Variants in DNAJC3 observed in about 807,000 individuals in gnomAD.
DNAJC3 encodes dnaJ homolog subfamily C member 3.
Under a neutral mutation model 68.6 loss-of-function variants are expected in DNAJC3, and 38 were observed. The observed-to-expected ratio is 0.55, with a 90% CI of 0.43 to 0.73. DNAJC3 has a LOEUF of 0.73. DNAJC3 is among the 30% of genes least tolerant of loss of function. The pLI is 0.00. For missense variants in DNAJC3, 526 were observed against 591.9 expected, an observed-to-expected ratio of 0.89 and a Z score of 1.16; for synonymous variants, 203 against 204.0, an observed-to-expected ratio of 1.00 and a Z score of 0.04.
chr13:95,768,327 G>A (rs1322826236), intron 9 of DNAJC3, among the ~76,000 whole-genome samples: 1 of 152,132 alleles, frequency 6.6e-6, no homozygotes, highest in Non-Finnish European at 1.5e-5. Context: ...GGTTTCCACT[G>A]TACTCATTTT....
At chr13:95,736,358 G>GA (rs1881918550) in intron 4 of DNAJC3, among the ~76,000 whole-genome samples, 1 of 150,444 alleles carries the variant, frequency 6.6e-6, no homozygotes, top group Non-Finnish European at 1.5e-5. Context: ...ATTCTGTGAA[G>GA]AAAGTCATTG....
At chr13:95,756,814 T>C (rs1882677806) in intron 4 of DNAJC3, among the ~76,000 whole-genome samples, 1 of 152,148 alleles carries the variant, frequency 6.6e-6, no homozygotes, top group South Asian at 2.1e-4. Flanking sequence ...TCTGAGATAA[T>C]TATTTTTTGT....
chr13:95,733,703 C>CTTTTTTTTTTTTT, intron 4 of DNAJC3, among the ~76,000 whole-genome samples: 1 of 102,966 alleles, frequency 9.7e-6, no homozygotes, highest in Non-Finnish European at 1.9e-5. Context: ...CCTGGCCTGT[C>CTTTTTTTTTTTTT]TTTTTTTTTT....
At chr13:95,763,391 A>G (rs1882880113) in intron 7 of DNAJC3, among the ~76,000 whole-genome samples, 1 of 152,172 alleles carries the variant, frequency 6.6e-6, no homozygotes, top group Non-Finnish European at 1.5e-5. Flanking sequence ...TTTGATTGGT[A>G]CTTATACTCA....
At position 95,790,961 on chromosome 13, in the gene DNAJC3, G is replaced by C; in HGVS notation, c.1446G>C (p.Trp482Cys). 6.2e-7 allele frequency: 1 copy of C among 1,612,528 alleles called. No individual in the cohort carries two copies. The highest frequency in any genetic ancestry group is 8.5e-7 in the Non-Finnish European group (1 of 1,179,648). The change falls in exon 12 of 12, where the codon TGG (tryptophan) becomes TGC (cysteine). Residue 482 changes from tryptophan to cysteine, a missense_variant. Transcript: ENST00000602402. ...GCGGCAACCCTTTCCACAGAAGCTG[G>C]AACTCATGGCAAGGGTTCAATCCCT... ...GGGGNPFHRS[W>C]NSWQGFNPFS...
chr13:95,719,075 A>G (rs992544950), intron 2 of DNAJC3, among the ~76,000 whole-genome samples: 1 of 152,216 alleles, frequency 6.6e-6, no homozygotes, highest in African/African-American at 2.4e-5. Flanking sequence ...CTTGGGTTCA[A>G]TTAATTTGCT....
At chr13:95,744,131 A>G (rs2139661353) in intron 4 of DNAJC3, among the ~76,000 whole-genome samples, 1 of 152,372 alleles carries the variant, frequency 6.6e-6, no homozygotes. Flanking sequence ...GGTCTCCTTC[A>G]GTATTTTTCA....
intron 4 of DNAJC3, among the ~76,000 whole-genome samples, chr13:95,741,475 A>G (rs982968180): frequency 1.3e-5 from 2 of 152,174 alleles, no homozygotes; most frequent in Admixed American, 6.5e-5. Flanking sequence ...AAACATGCCT[A>G]ACTTAGGGCT....
chr13:95,767,271 T>C (rs922347486), intron 9 of DNAJC3, among the ~76,000 whole-genome samples: 16 of 152,228 alleles, frequency 1.1e-4, no homozygotes, highest in African/African-American at 3.4e-4. Context: ...GGGAATCATA[T>C]ACTGTTTGTC....
intron 4 of DNAJC3, among the ~76,000 whole-genome samples, chr13:95,737,592 T>G (rs1881968537): frequency 6.6e-6 from 1 of 151,984 alleles, no homozygotes; most frequent in African/African-American, 2.4e-5. Flanking sequence ...CTTCTAGATT[T>G]TCTAGTTTAT....
chr13:95,749,362 T>C (rs1882403678), intron 4 of DNAJC3, among the ~76,000 whole-genome samples: 1 of 152,214 alleles, frequency 6.6e-6, no homozygotes, highest in South Asian at 2.1e-4. Context: ...TTTAGATTCA[T>C]CCCTCTTTGA....
chr13:95,765,319 A>G (rs1419155220), intron 9 of DNAJC3, among the ~76,000 whole-genome samples: 3 of 151,860 alleles, frequency 2.0e-5, no homozygotes, highest in Admixed American at 6.6e-5. Flanking sequence ...GGAACTCTTT[A>G]TCAAAGATAC....
chr13:95,740,919 A>G (rs556838107), intron 4 of DNAJC3, among the ~76,000 whole-genome samples: 7 of 152,250 alleles, frequency 4.6e-5, no homozygotes, highest in Non-Finnish European at 8.8e-5. Flanking sequence ...TAAAAATGAT[A>G]TGTATCTCTT....
chr13:95,707,456 G>A (rs1272835619), intron 1 of DNAJC3, among the ~76,000 whole-genome samples: 1 of 152,182 alleles, frequency 6.6e-6, no homozygotes, highest in Non-Finnish European at 1.5e-5. Context: ...GTCAACCAAA[G>A]TGATAGCTTA....
intron 4 of DNAJC3, among the ~76,000 whole-genome samples, chr13:95,732,651 TG>T (rs1241570930): frequency 6.6e-6 from 1 of 152,142 alleles, no homozygotes; most frequent in African/African-American, 2.4e-5. Context: ...TCCCTTGCAT[TG>T]TTTTTTTAGT....
chr13:95,760,557 G>A, intron 6 of DNAJC3, 122 bp from the exon 7 acceptor site: 1 of 1,254,522 alleles, frequency 8.0e-7, no homozygotes, highest in Non-Finnish European at 1.1e-6. Context: ...TAAATTATAA[G>A]TCTCAGTATG....
intron 2 of DNAJC3, among the ~76,000 whole-genome samples, chr13:95,710,116 C>T (rs928778146): frequency 6.6e-6 from 1 of 152,092 alleles, no homozygotes; most frequent in Non-Finnish European, 1.5e-5. Context: ...TTACTCATGT[C>T]TGTCTGTAGA....
intron 10 of DNAJC3, 51 bp from the exon 11 acceptor site, chr13:95,786,956 A>G (rs767087128): frequency 4.5e-6 from 7 of 1,560,680 alleles, no homozygotes; most frequent in Non-Finnish European, 6.0e-6. Context: ...TTTTTATGAT[A>G]GTATGTTAGA....
At chr13:95,772,812 A>T (rs1883191241) in intron 9 of DNAJC3, among the ~76,000 whole-genome samples, 1 of 152,226 alleles carries the variant, frequency 6.6e-6, no homozygotes, top group Non-Finnish European at 1.5e-5. Flanking sequence ...CTAAAGTTAA[A>T]TCAACCTTTA....
Sources: allele counts gnomAD v4.1 joint callset (sites outside exome capture counted in the v4.1 genomes callset), GRCh38; gene constraint gnomAD v4.1.1; transcripts MANE v1.5; gene names NCBI Gene and HGNC (gene_info 2026-07-23, HGNC 2026-07-21).